CEP128: variants seen among roughly 807,000 people sequenced by gnomAD.
The protein encoded by CEP128 is centrosomal protein 128, also known as centrosomal protein 128kDa.
CEP128 carries 132 observed loss-of-function variants against 156.7 expected under a neutral mutation model. The ratio of observed to expected loss-of-function variants is 0.84; its 90% CI spans 0.73 to 0.97. CEP128 has a LOEUF of 0.97. Ranked by LOEUF, CEP128 falls within the 50% of genes least tolerant of loss-of-function variation. CEP128 has a pLI of 0.00. For synonymous variants in CEP128, 469 were observed against 448.9 expected (o/e 1.04, Z -0.57); for missense variants, 1,252 against 1,281.9 (o/e 0.98, Z 0.36).
intron 2 of CEP128, among the ~76,000 whole-genome samples, chr14:80,918,072 T>C (rs911768521): frequency 1.3e-5 from 2 of 152,216 alleles, no homozygotes; most frequent in South Asian, 2.1e-4. Context: ...TTATCCCATG[T>C]ATAATTACAA....
At chr14:80,919,795 T>G (rs1884755295) in intron 2 of CEP128, among the ~76,000 whole-genome samples, 1 of 152,316 alleles carries the variant, frequency 6.6e-6, no homozygotes, top group Admixed American at 6.5e-5. Context: ...TTACATACTT[T>G]TACTAAGACA....
At chr14:80,546,652 A>G (rs1328421278) in intron 21 of CEP128, among the ~76,000 whole-genome samples, 2 of 152,206 alleles carry the variant, frequency 1.3e-5, no homozygotes, top group Non-Finnish European at 2.9e-5. Flanking sequence ...GCCACTATAT[A>G]GTTAATGCCT....
intron 19 of CEP128, among the ~76,000 whole-genome samples, chr14:80,693,296 G>A (rs1439419836): frequency 6.6e-6 from 1 of 151,994 alleles, no homozygotes; most frequent in Admixed American, 6.6e-5. Flanking sequence ...TCAATTTATG[G>A]CCATAATTTC....
chr14:80,743,835 C>T (rs538324451), intron 18 of CEP128, among the ~76,000 whole-genome samples: 2 of 151,892 alleles, frequency 1.3e-5, no homozygotes, highest in South Asian at 2.1e-4. Context: ...TCTAACCTCA[C>T]CTACCTTTTT....
At chr14:80,587,022 C>T (rs2140469425) in intron 19 of CEP128, among the ~76,000 whole-genome samples, 1 of 151,748 alleles carries the variant, frequency 6.6e-6, no homozygotes, top group South Asian at 2.1e-4. Flanking sequence ...ATATAAGAAG[C>T]ATTATATACG....
chr14:80,731,922 T>G (rs778114941), intron 19 of CEP128, among the ~76,000 whole-genome samples: 2 of 152,204 alleles, frequency 1.3e-5, no homozygotes, highest in Non-Finnish European at 2.9e-5. Flanking sequence ...AATAAGGCTA[T>G]GTTTTCTTTT....
chr14:80,599,632 A>G (rs1892498096), intron 19 of CEP128, among the ~76,000 whole-genome samples: 1 of 152,092 alleles, frequency 6.6e-6, no homozygotes, highest in African/African-American at 2.4e-5. Context: ...AGCAAAGTAT[A>G]TAGTTAGACA....
chr14:80,706,182 T>C (rs1360010335), intron 19 of CEP128, among the ~76,000 whole-genome samples: 1 of 151,806 alleles, frequency 6.6e-6, no homozygotes, highest in African/African-American at 2.4e-5. Context: ...AAAAAAAACA[T>C]ATAGAAAAAG....
rs530761841 is a variant in CEP128, at chr14:80,709,564, A to G, written c.2806+33511T>C. Among the ~76,000 whole-genome samples the G allele has an allele frequency of 2.6e-5, 4 of 152,324 alleles. No homozygotes were observed. In the South Asian group the frequency reaches 8.3e-4, roughly 32 times the overall value. On this transcript the variant is annotated intron_variant, in intron 19 of 24. Coordinates refer to ENST00000555265, the MANE Select transcript of CEP128 (RefSeq NM_152446.5). The stretch of plus-strand genomic sequence containing the variant: ...AATTTTATAATCAACTTTTCAAGAT[A>G]CATTTAATACAAAAAAATCTGACTG...
At chr14:80,626,061 A>G (rs184956649) in intron 19 of CEP128, among the ~76,000 whole-genome samples, 1 of 152,242 alleles carries the variant, frequency 6.6e-6, no homozygotes, top group Admixed American at 6.5e-5. Flanking sequence ...ATGTGAATAC[A>G]TAACTTTACA....
intron 19 of CEP128, among the ~76,000 whole-genome samples, chr14:80,717,955 T>C (rs749608415): frequency 6.6e-6 from 1 of 152,132 alleles, no homozygotes; most frequent in Non-Finnish European, 1.5e-5. Context: ...GCTCTGACTA[T>C]AGGCATGCAC....
intron 19 of CEP128, among the ~76,000 whole-genome samples, chr14:80,592,777 C>T (rs1224449866): frequency 6.6e-6 from 1 of 152,178 alleles, no homozygotes; most frequent in Admixed American, 6.5e-5. Flanking sequence ...CCGAATCCAG[C>T]AGCACATCAA....
At position 80,678,506 on chromosome 14, in the gene CEP128, A is replaced by G. The variant is rs1240615852; in HGVS notation, c.2806+64569T>C. Among the ~76,000 whole-genome samples, 3 of 152,290 alleles carry G rather than the reference A, an allele frequency of 2.0e-5. No individual in the cohort carries two copies. In the East Asian group the frequency reaches 5.8e-4, roughly 29 times the overall value. On this transcript the variant is annotated intron_variant, in intron 19 of 24. Transcript: ENST00000555265. ...ACAGCAACGTAGTGCATAAAGATCA[A>G]CTATGTGCGCTTTAATTCCAGAAGG...
At chr14:80,729,742 T>A (rs1898193872) in intron 19 of CEP128, among the ~76,000 whole-genome samples, 1 of 152,226 alleles carries the variant, frequency 6.6e-6, no homozygotes, top group Non-Finnish European at 1.5e-5. Flanking sequence ...GGAGAAGGTA[T>A]CACCAAATTT....
At chr14:80,565,240 G>C (rs1267199034) in intron 20 of CEP128, among the ~76,000 whole-genome samples, 1 of 152,066 alleles carries the variant, frequency 6.6e-6, no homozygotes, top group Admixed American at 6.6e-5. Flanking sequence ...ACCCACACCA[G>C]TAATCTGGCC....
intron 13 of CEP128, among the ~76,000 whole-genome samples, chr14:80,826,509 A>G (rs1186413239): frequency 6.6e-6 from 1 of 152,200 alleles, no homozygotes; most frequent in East Asian, 1.9e-4. Context: ...GCATACAGTA[A>G]AATGGTCAGC....
At chr14:80,633,316 AG>A (rs1243253923) in intron 19 of CEP128, among the ~76,000 whole-genome samples, 2 of 152,206 alleles carry the variant, frequency 1.3e-5, no homozygotes, top group Non-Finnish European at 2.9e-5. Context: ...ACATTGGCAC[AG>A]GGGTCCGATA....
At chr14:80,713,640 G>C (rs1897494263) in intron 19 of CEP128, among the ~76,000 whole-genome samples, 1 of 152,148 alleles carries the variant, frequency 6.6e-6, no homozygotes, top group South Asian at 2.1e-4. Flanking sequence ...CTAAGAGAGG[G>C]ACAAGGTCTT....
chr14:80,909,635 T>C (rs942220362), intron 4 of CEP128, among the ~76,000 whole-genome samples: 2 of 152,162 alleles, frequency 1.3e-5, no homozygotes, highest in Non-Finnish European at 2.9e-5. Flanking sequence ...GATTTTAAAT[T>C]ACTCTTCCAA....
Sources: allele counts gnomAD v4.1 joint callset (sites outside exome capture counted in the v4.1 genomes callset), GRCh38; gene constraint gnomAD v4.1.1; transcripts MANE v1.5; gene names NCBI Gene and HGNC (gene_info 2026-07-23, HGNC 2026-07-21).